Variants in PIEZO2 observed in about 807,000 individuals in gnomAD.
The protein encoded by PIEZO2 is piezo type mechanosensitive ion channel component 2.
PIEZO2 carries 172 observed loss-of-function variants against 337.3 expected under a neutral mutation model. The ratio of observed to expected loss-of-function variants is 0.51; its 90% CI spans 0.45 to 0.58. The LOEUF is 0.58. Among genes scored for constraint, PIEZO2 ranks in the 20% least tolerant of loss-of-function variants. PIEZO2 has a pLI of 0.00. For synonymous variants in PIEZO2, 1,251 were observed against 1,228.5 expected (o/e 1.02, Z -0.38); for missense variants, 3,028 against 3,391.3 (o/e 0.89, Z 2.66).
chr18:10,784,785 T>C lies in PIEZO2; in HGVS notation c.2491A>G (p.Ser831Gly). ...IPSKEDNTIY[S>G]HAKVNGRVYL... is the part of the protein sequence containing the mutation. ...TCTGTGTTTCTTCCAGTGGCTCACC[T>C]GTAGATGGTGTTGTCTTCTTTGCTG... The change falls in exon 17 of 56, where the codon AGC becomes GGC. Residue 831 changes from serine to glycine, a missense_variant and splice_region_variant. This residue lies in a region of PIEZO2 where 1,925 missense variants were observed against 2,051.9 expected (regional missense o/e 0.94). Coordinates refer to ENST00000674853, the MANE Select transcript of PIEZO2 (RefSeq NM_001378183.1). The surrounding 1 kb of genome is among the most constrained non-coding windows in gnomAD (Gnocchi z 4.5). 6.5e-7 allele frequency: 1 copy of C among 1,535,602 alleles called. No homozygotes were observed. The highest frequency in any genetic ancestry group is 8.7e-7 in the Non-Finnish European group (1 of 1,145,766).
intron 1 of PIEZO2, among the ~76,000 whole-genome samples, chr18:11,145,654 T>TAGGC (rs2040791181): frequency 6.6e-6 from 1 of 152,018 alleles, no homozygotes; most frequent in African/African-American, 2.4e-5. Context: ...ACCTTGGGAG[T>TAGGC]AGGCAGACCA....
chr18:11,008,832 T>C (rs2035803303), intron 2 of PIEZO2, among the ~76,000 whole-genome samples: 1 of 152,138 alleles, frequency 6.6e-6, no homozygotes, highest in Non-Finnish European at 1.5e-5. Flanking sequence ...GATTTAAGGG[T>C]AAGCGGGTGT....
intron 4 of PIEZO2, among the ~76,000 whole-genome samples, chr18:10,892,158 C>T (rs1011620703): frequency 2.6e-5 from 4 of 152,046 alleles, no homozygotes; most frequent in African/African-American, 9.7e-5. Context: ...ACCCAATTAT[C>T]GACCAACCAA....
At position 10,749,150 on chromosome 18, in the gene PIEZO2, TA is replaced by T. The variant is rs148784413; in HGVS notation, c.4265-521del. 8.8e-3 allele frequency among the ~76,000 whole-genome samples: 1,324 copies of T among 150,250 alleles called. 25 individuals carry two copies. Among genetic ancestry groups the T allele is most frequent in the African/African-American group, 0.03 (1,229 of 40,946 alleles). On this transcript the variant is annotated intron_variant, in intron 29 of 55. Coordinates refer to ENST00000674853, the MANE Select transcript of PIEZO2 (RefSeq NM_001378183.1). ...ATAGCCTGAAATAGAAATCACATAA[TA>T]AAAAAAAAATTAATCTTTTTAAAAA... is the stretch of plus-strand genomic sequence containing the variant.
chr18:10,706,920 T>C (rs1250514088), intron 40 of PIEZO2, among the ~76,000 whole-genome samples: 2 of 152,190 alleles, frequency 1.3e-5, no homozygotes, highest in Non-Finnish European at 2.9e-5. Context: ...GCATAGACTG[T>C]ACCCATGTTT....
rs1220033297 is a variant in PIEZO2 at position 10,762,952 on chromosome 18, C to G, written c.3093G>C (p.Lys1031Asn). 3 of 1,537,282 alleles carry G rather than the reference C, an allele frequency of 2.0e-6. No individual in the cohort carries two copies. The highest frequency in any genetic ancestry group is 2.0e-5 in the Admixed American group (1 of 51,014). Reference protein sequence around the residue: ...CKMLYQLQTIKPENFSVNCSL... With the variant: ...CKMLYQLQTINPENFSVNCSL... ...AACAGTTAACAGAGAAGTTCTCAGG[C>G]TTAATGGTTTGGAGCTGGTACAACA... The change falls in exon 22 of 56, where the codon AAG becomes AAC. Residue 1031 changes from lysine (K) to asparagine (N), a missense_variant. Physicochemically the swap from Lys to Asn is moderately conservative, Grantham distance 94. Around this residue, in one of 5 missense-constraint regions of PIEZO2, gnomAD observed 1,925 missense variants for 2,051.9 expected, o/e 0.94. Coordinates refer to ENST00000674853, the MANE Select transcript of PIEZO2 (RefSeq NM_001378183.1).
At chr18:10,868,817 T>A (rs1302914005) in intron 5 of PIEZO2, among the ~76,000 whole-genome samples, 2 of 152,236 alleles carry the variant, frequency 1.3e-5, no homozygotes, top group Non-Finnish European at 2.9e-5. Flanking sequence ...CACCTCATCA[T>A]GACCTCACAG....
chr18:10,770,988 C>A (rs1384114988), intron 20 of PIEZO2, among the ~76,000 whole-genome samples: 4 of 152,190 alleles, frequency 2.6e-5, no homozygotes, highest in African/African-American at 9.7e-5. Context: ...GCCTCAGCCT[C>A]CCAAAGTGCT....
At chr18:10,871,108 G>C (rs542021258) in intron 5 of PIEZO2, 145 bp downstream of exon 5, 2 of 860,930 alleles carry the variant, frequency 2.3e-6, no homozygotes. Context: ...AGGGTGTCAT[G>C]CAATTTGACA....
In PIEZO2 at chr18:10,888,598, T is replaced by C. The variant is rs1437593150; in HGVS notation, c.330-17183A>G. On this transcript the variant is annotated intron_variant, in intron 4 of 55. Transcript: ENST00000674853. This position sits in a 1 kb window ranked among gnomAD's most constrained non-coding sequence, Gnocchi z 4.1. Reference sequence around the variant, plus strand: ...GCATATGCCTTTACAACTATTTCCATATCTTCTTGTGTATCTGTGTTTTTA... The same window carrying C: ...GCATATGCCTTTACAACTATTTCCACATCTTCTTGTGTATCTGTGTTTTTA... Among the ~76,000 whole-genome samples, 2 of 152,144 alleles carry C rather than the reference T, an allele frequency of 1.3e-5. No homozygotes were observed. The highest frequency in any genetic ancestry group is 4.8e-5 in the African/African-American group (2 of 41,440).
intron 10 of PIEZO2, among the ~76,000 whole-genome samples, 172 bp from the exon 11 acceptor site, chr18:10,800,647 C>T (rs1223514915): frequency 1.3e-5 from 2 of 152,232 alleles, no homozygotes; most frequent in Non-Finnish European, 2.9e-5. Context: ...TGTACATTCC[C>T]TCTCCAACTC....
intron 1 of PIEZO2, among the ~76,000 whole-genome samples, chr18:11,118,599 G>A (rs2039950935): frequency 6.6e-6 from 1 of 152,184 alleles, no homozygotes; most frequent in Non-Finnish European, 1.5e-5. Context: ...GAAGTGGAAT[G>A]AAAAGTATGA....
chr18:10,806,968 C>T (rs775468308), intron 8 of PIEZO2, 144 bp downstream of exon 8: 45 of 835,450 alleles, frequency 5.4e-5, no homozygotes, highest in Non-Finnish European at 7.0e-5. Flanking sequence ...ATACTCTTTG[C>T]AGAATTAAAA....
intron 35 of PIEZO2, among the ~76,000 whole-genome samples, chr18:10,732,718 T>C (rs534230078): frequency 1.3e-5 from 2 of 152,342 alleles, no homozygotes; most frequent in East Asian, 3.9e-4. Flanking sequence ...CGAACTGGAA[T>C]TTTCAGGAGG....
In PIEZO2 at chr18:10,746,821, G is replaced by C. The variant is rs963432555; in HGVS notation, c.4424+1650C>G. ...TGAATCTGCTCGAACCTTGATGTTG[G>C]ACTTTCCAGCCTGTGGAACTGTAAG... On this transcript the variant is annotated intron_variant, in intron 30 of 55. Transcript: ENST00000674853. The surrounding 1 kb of genome is among the most constrained non-coding windows in gnomAD (Gnocchi z 4.2). 3.3e-5 allele frequency among the ~76,000 whole-genome samples: 5 copies of C among 152,300 alleles called. No individual in the cohort carries two copies. Among genetic ancestry groups the C allele is most frequent in the Admixed American group, 3.3e-4 (5 of 15,302 alleles).
At chr18:10,738,315 G>A (rs1395571523) in intron 33 of PIEZO2, 1 of 152,192 alleles carries the variant, frequency 6.6e-6, no homozygotes, top group East Asian at 1.9e-4. Flanking sequence ...CTCATTATAG[G>A]TTCCAAAATC....
At chr18:11,134,175 G>A (rs1026207995) in intron 1 of PIEZO2, among the ~76,000 whole-genome samples, 15 of 152,294 alleles carry the variant, frequency 9.8e-5, no homozygotes, top group Admixed American at 3.9e-4. Flanking sequence ...GCCACTGGCC[G>A]TCCAGTCATG....
rs202187432 is a variant in PIEZO2, at chr18:10,986,003, T to C, written c.161-6343A>G. ...AAGGAACACACTTTATGGACACACA[T>C]AGGCTGAAAATGGGATGGAAAAAGA... On this transcript the variant is annotated intron_variant, in intron 2 of 55. Coordinates refer to ENST00000674853, the MANE Select transcript of PIEZO2 (RefSeq NM_001378183.1). Among the ~76,000 whole-genome samples, 4 of 151,816 alleles carry C rather than the reference T, an allele frequency of 2.6e-5. No individual in the cohort carries two copies. In the East Asian group the frequency reaches 5.8e-4, roughly 22 times the overall value.
chr18:10,829,406 C>T (rs1419753455), intron 7 of PIEZO2, among the ~76,000 whole-genome samples: 5 of 152,144 alleles, frequency 3.3e-5, no homozygotes, highest in Non-Finnish European at 7.3e-5. Flanking sequence ...ACAAGGATGC[C>T]CACATTCCCC....
Sources: allele counts gnomAD v4.1 joint callset (sites outside exome capture counted in the v4.1 genomes callset), GRCh38; gene constraint gnomAD v4.1.1; regional missense constraint gnomAD v4.1.1; non-coding constraint Gnocchi (gnomAD v3.1); transcripts MANE v1.5; gene names NCBI Gene and HGNC (gene_info 2026-07-23, HGNC 2026-07-21).